The following LBHD1 variants were observed in gnomAD, a reference collection of about 807,000 sequenced individuals.
LBHD1 encodes LBH domain containing 1, also known as LBH domain-containing protein 1.
In LBHD1, 28 loss-of-function variants were observed where a neutral mutation model predicts 31.1. The observed-to-expected ratio is 0.90, with a 90% confidence interval of 0.67 to 1.24. The LOEUF (loss-of-function observed/expected upper bound fraction) is 1.24. Among genes scored for constraint, LBHD1 ranks in the 50% most tolerant of loss-of-function variants. LBHD1 has a pLI of 0.00. For missense variants in LBHD1, 350 were observed against 323.0 expected, an observed-to-expected ratio of 1.08 and a Z score of -0.64; for synonymous variants, 105 against 116.5, an observed-to-expected ratio of 0.90 and a Z score of 0.63.
chr11:62,671,801 G>T lies in LBHD1; in HGVS notation c.-248C>A, dbSNP rs575623983. On this transcript the variant is annotated 5_prime_UTR_variant, in exon 1 of 7. Coordinates refer to ENST00000354588, the MANE Select transcript of LBHD1 (RefSeq NM_024099.5). The stretch of plus-strand genomic sequence containing the variant: ...GTCGCAATGCTGGGCGCAGGGGCTG[G>T]CGTGGGCTACGCGCTCCTCGTTATC... The T allele has an allele frequency of 1.2e-6, 2 of 1,614,054 alleles. No homozygotes were observed. Among genetic ancestry groups the T allele is most frequent in the Admixed American group, 1.7e-5 (1 of 60,002 alleles).
In LBHD1 at chr11:62,671,673, A is replaced by G. The variant is rs968918020; in HGVS notation, c.-120T>C. On this transcript the variant is annotated 5_prime_UTR_variant, in exon 1 of 7. Coordinates refer to ENST00000354588, the MANE Select transcript of LBHD1 (RefSeq NM_024099.5). ...GGCGCTCTAGCCTGCGCCAAGGGGT[A>G]GTGAGACCGCGCGGCAACAGCTTGC... 1.0e-5 allele frequency: 16 copies of G among 1,589,644 alleles called. No homozygotes were observed. The African/African-American group carries it at 1.1e-4, about 11-fold the overall frequency.
chr11:62,670,302 T>A (rs972764437), intron 1 of LBHD1: 3 of 453,236 alleles, frequency 6.6e-6, no homozygotes, highest in African/African-American at 5.9e-5. Context: ...AGAGTTGTGA[T>A]AACCAACTTG....
intron 1 of LBHD1, chr11:62,670,775 G>A (rs1287240746): frequency 6.5e-6 from 1 of 153,054 alleles, no homozygotes; most frequent in Non-Finnish European, 1.5e-5. Flanking sequence ...GCCGGCCGTG[G>A]TGGCGGGCGC....
chr11:62,664,970 G>T lies in LBHD1; in HGVS notation c.542C>A (p.Ala181Asp). ...CGGCGTTTGAACAGCTTCTTCTTCAGCTCCTGCCGGGGAGAAAGATGCGAA... is the reference window on the plus strand; with the variant it reads ...CGGCGTTTGAACAGCTTCTTCTTCATCTCCTGCCGGGGAGAAAGATGCGAA... ...HLLPPNSFEG[A>D]EEEAVQTPAG... Residue 181 changes from alanine (A) to aspartate (D), a missense_variant, in exon 5 of 7, where the codon GCT (alanine) becomes GAT (aspartate). Transcript: ENST00000354588. 1 of 1,611,338 alleles carries T rather than the reference G, an allele frequency of 6.2e-7. No homozygotes were observed.
intron 4 of LBHD1, chr11:62,666,975 G>C: frequency 6.2e-7 from 1 of 1,614,148 alleles, no homozygotes; most frequent in Non-Finnish European, 8.5e-7. Flanking sequence ...TCCTATGGCT[G>C]GACTGTGACT....
intron 3 of LBHD1, among the ~76,000 whole-genome samples, chr11:62,669,094 G>T (rs919044101): frequency 1.3e-5 from 2 of 151,490 alleles, no homozygotes; most frequent in African/African-American, 4.8e-5. Flanking sequence ...CTAATTTTTT[G>T]TATTTTTAGT....
Position 62,662,958 on chromosome 11 carries a change from G to A in LBHD1, c.*171C>T. The A allele has an allele frequency of 1.0e-6, 1 of 979,890 alleles. No homozygotes were observed. The highest frequency in any genetic ancestry group is 1.6e-5 in the African/African-American group (1 of 61,356). 60.7% of individuals were successfully genotyped at this position (979,890 alleles called of 1,614,324 possible). ...CATTAGGTAGGAGGAAATCTGGAGAGTGAAAAGGGGCCTTGCTTTTGTCAA... is the reference window on the plus strand; with the variant it reads ...CATTAGGTAGGAGGAAATCTGGAGAATGAAAAGGGGCCTTGCTTTTGTCAA... On this transcript the variant is annotated 3_prime_UTR_variant, in exon 7 of 7. Coordinates refer to ENST00000354588, the MANE Select transcript of LBHD1 (RefSeq NM_024099.5).
chr11:62,664,982 G>C lies in LBHD1; in HGVS notation c.539-9C>G, dbSNP rs749207619. 26 of 1,609,842 alleles carry C rather than the reference G, an allele frequency of 1.6e-5. No individual in the cohort carries two copies. Among genetic ancestry groups the C allele is most frequent in the Non-Finnish European group, 2.0e-5 (24 of 1,179,822 alleles). ...AGCTTCTTCTTCAGCTCCTGCCGGG[G>C]AGAAAGATGCGAATCAGATGGAGTG... On this transcript the variant is annotated splice_polypyrimidine_tract_variant and intron_variant, in intron 4 of 6. Coordinates refer to ENST00000354588, the MANE Select transcript of LBHD1 (RefSeq NM_024099.5).
chr11:62,670,633 T>C (rs1944921506), intron 1 of LBHD1: 1 of 153,282 alleles, frequency 6.5e-6, no homozygotes, highest in Admixed American at 6.5e-5. Context: ...CCGGGCGCGG[T>C]GGCTCACACC....
chr11:62,666,113 C>A, intron 4 of LBHD1: 1 of 853,548 alleles, frequency 1.2e-6, no homozygotes, highest in Non-Finnish European at 1.8e-6. Context: ...TTTGCCAGGC[C>A]GAGGCGGGCA....
chr11:62,669,846 A>G (rs766371039), intron 2 of LBHD1, 36 bp downstream of exon 2: 16 of 1,614,080 alleles, frequency 9.9e-6, no homozygotes, highest in Non-Finnish European at 1.4e-5. Context: ...CTGGAGGGTA[A>G]GCCAGCTGCC....
intron 5 of LBHD1, 65 bp from the exon 6 acceptor site, chr11:62,663,398 T>A: frequency 1.3e-6 from 2 of 1,514,280 alleles, no homozygotes; most frequent in Non-Finnish European, 1.8e-6. Context: ...ACACAAATAG[T>A]TCTGGCTATA....
rs1379358983 is a variant in LBHD1, at chr11:62,667,639, T to C, written c.422A>G (p.Asp141Gly). ...GTTGGTGGCTTCCAGACATGCTGTG[T>C]CCTCAAGAATCCAACAAGCATCTTC... ...DEEDACWILE[D>G]TACLEATNHC... Residue 141 changes from aspartate to glycine, a missense_variant, in exon 4 of 7, where the codon GAC becomes GGC. Physicochemically the swap from Asp to Gly is moderately conservative, Grantham distance 94. Transcript: ENST00000354588. 6.2e-7 allele frequency: 1 copy of C among 1,614,150 alleles called. No individual in the cohort carries two copies. The highest frequency in any genetic ancestry group is 8.5e-7 in the Non-Finnish European group (1 of 1,180,010).
intron 4 of LBHD1, chr11:62,665,458 G>T: frequency 6.4e-7 from 1 of 1,564,190 alleles, no homozygotes; most frequent in Non-Finnish European, 8.6e-7. Context: ...TTGTGGTGCC[G>T]CTCCCCGTAA....
Position 62,671,924 on chromosome 11 carries a change from C to T in LBHD1, c.-371G>A. ...GCGGGTGGAGAGCCCCGGACTGGAG[C>T]TCCTGCGAACTCCCCTTCCTGCCCT... is the stretch of plus-strand genomic sequence containing the variant. On this transcript the variant is annotated 5_prime_UTR_variant, in exon 1 of 7. Transcript: ENST00000354588. 1 of 1,613,046 alleles carries T rather than the reference C, an allele frequency of 6.2e-7. No homozygotes were observed. The highest frequency in any genetic ancestry group is 8.5e-7 in the Non-Finnish European group (1 of 1,179,278).
At chr11:62,664,819 C>A in intron 5 of LBHD1, 30 bp downstream of exon 5, 1 of 1,552,620 alleles carries the variant, frequency 6.4e-7, no homozygotes, top group African/African-American at 1.4e-5. Flanking sequence ...TCGGTGGGGA[C>A]GACCAACAGG....
At chr11:62,667,037 C>G in intron 4 of LBHD1, 3 of 1,601,230 alleles carry the variant, frequency 1.9e-6, no homozygotes, top group Non-Finnish European at 2.6e-6. Context: ...TTACTTGATT[C>G]AAGGCTCTCA....
Position 62,667,312 on chromosome 11 carries a change from T to C in LBHD1, c.538+211A>G, listed in dbSNP as rs187110095. 5 of 645,160 alleles carry C rather than the reference T, an allele frequency of 7.8e-6. No homozygotes were observed. The East Asian group carries it at 1.4e-4, about 18-fold the overall frequency. The allele number at this position is 645,160 out of a possible 1,614,324, so 40.0% of individuals were successfully genotyped here. A position where few individuals can be genotyped will look rare whatever the true frequency, so the allele number is the denominator to read the frequency against. On this transcript the variant is annotated intron_variant, in intron 4 of 6. Coordinates refer to ENST00000354588, the MANE Select transcript of LBHD1 (RefSeq NM_024099.5). ...GAATGCTGAAAAGAGAAGGTACAAT[T>C]GGGTCATTCCCCAGTTTCAACTAAC...
In LBHD1 at chr11:62,666,777, C is replaced by T. The variant is rs775374841; in HGVS notation, c.538+746G>A. ...CACGCCGATGCTCAGAACCTGGGGG[C>T]TGTGGCTTCTTCAGGCTCTTTCCAA... is the stretch of plus-strand genomic sequence containing the variant. On this transcript the variant is annotated intron_variant, in intron 4 of 6. Coordinates refer to ENST00000354588, the MANE Select transcript of LBHD1 (RefSeq NM_024099.5). 14 of 1,614,184 alleles carry T rather than the reference C, an allele frequency of 8.7e-6. No homozygotes were observed. In the South Asian group the frequency reaches 1.5e-4, roughly 18 times the overall value.
Sources: allele counts gnomAD v4.1 joint callset (sites outside exome capture counted in the v4.1 genomes callset), GRCh38; gene constraint gnomAD v4.1.1; transcripts MANE v1.5; gene names NCBI Gene and HGNC (gene_info 2026-07-23, HGNC 2026-07-21).